The following CACNA1C variants were observed in gnomAD, a reference collection of about 807,000 sequenced individuals.
The protein encoded by CACNA1C is calcium voltage-gated channel subunit alpha1 C.
A neutral mutation model predicts 229.0 loss-of-function variants in CACNA1C; 30 were observed. That is an observed-to-expected ratio of 0.13 (90% CI 0.10 to 0.18). The LOEUF (loss-of-function observed/expected upper bound fraction) is 0.18. Among genes scored for constraint, CACNA1C ranks in the 10% least tolerant of loss-of-function variants. CACNA1C has a pLI of 1.00. For missense variants in CACNA1C, 1,658 were observed against 2,845.0 expected (o/e 0.58, Z 9.49); for synonymous variants, 1,114 against 1,132.5 (o/e 0.98, Z 0.33).
Position 2,327,038 on chromosome 12 carries a change from C to T in CACNA1C, c.478-121938C>T, listed in dbSNP as rs139845718. ...GCTGGGAATGTGGATGTGATGGCTG[C>T]AGCTTTAGTTGCCATCTTGGACCAT... On this transcript the variant is annotated intron_variant, in intron 3 of 46. Coordinates refer to ENST00000399655, the MANE Select transcript of CACNA1C (RefSeq NM_000719.7). Among the ~76,000 whole-genome samples, 35 of 152,298 alleles carry T rather than the reference C, an allele frequency of 2.3e-4. No individual in the cohort carries two copies. In the East Asian group the frequency reaches 4.8e-3, roughly 21 times the overall value.
chr12:2,139,764 C>T (rs940563995), intron 3 of CACNA1C, among the ~76,000 whole-genome samples: 10 of 151,316 alleles, frequency 6.6e-5, no homozygotes, highest in African/African-American at 2.4e-4. Context: ...TTCTCTGCCT[C>T]CTCTGCCCGC....
At chr12:2,059,747 G>T (rs2056737440) in intron 1 of CACNA1C, among the ~76,000 whole-genome samples, 1 of 152,274 alleles carries the variant, frequency 6.6e-6, no homozygotes, top group South Asian at 2.1e-4. Context: ...CTCATTTCCA[G>T]TTGAGAAAAC....
chr12:2,071,164 CCCTCCCTCCCTG>C (rs2061163140), intron 1 of CACNA1C, among the ~76,000 whole-genome samples: 1 of 22,622 alleles, frequency 4.4e-5, no homozygotes, highest in Non-Finnish European at 1.1e-4. Context: ...CTCCCTCCCT[CCCTCCCTCCCTG>C]CCTGCCTGCC....
intron 3 of CACNA1C, among the ~76,000 whole-genome samples, chr12:2,409,093 T>A (rs2098775222): frequency 6.6e-6 from 1 of 152,214 alleles, no homozygotes; most frequent in Non-Finnish European, 1.5e-5. Context: ...GTGGCTCTGT[T>A]CCTTTTACAC....
intron 3 of CACNA1C, among the ~76,000 whole-genome samples, chr12:2,324,001 G>C (rs35884722): frequency 5.4e-4 from 83 of 152,314 alleles, no homozygotes; most frequent in Non-Finnish European, 8.8e-4. Flanking sequence ...CGCAGGAGCC[G>C]GGTCTGTTTA....
upstream of CACNA1C, among the ~76,000 whole-genome samples, chr12:2,052,566 CGGGGGGCGCGACGCCGCCGGCGG>C (rs1565385417): frequency 6.8e-6 from 1 of 146,354 alleles, no homozygotes; most frequent in Non-Finnish European, 1.5e-5. Context: ...CAGGCCGGCG[CGGGGGGCGCGACGCCGCCGGCGG>C]GGCGCGAGGG....
intron 38 of CACNA1C, chr12:2,672,138 G>A (rs7138079): frequency 0.69 from 104,747 of 152,132 alleles, 38,942 homozygotes; most frequent in South Asian, 0.84. Context: ...CCTCAGAGAA[G>A]CAGAGCTGTC....
intron 28 of CACNA1C, among the ~76,000 whole-genome samples, chr12:2,611,051 A>G (rs2077441500): frequency 7.0e-6 from 1 of 142,650 alleles, no homozygotes; most frequent in African/African-American, 2.6e-5. Flanking sequence ...AGGGGAGGAG[A>G]TGGAGGAGGG....
chr12:2,058,207 G>C (rs1050494575), intron 1 of CACNA1C, among the ~76,000 whole-genome samples: 3 of 152,160 alleles, frequency 2.0e-5, no homozygotes, highest in African/African-American at 7.2e-5. Flanking sequence ...TGAGTGGCTG[G>C]CAGCACTTTC....
At chr12:2,308,444 C>A (rs1323828784) in intron 3 of CACNA1C, among the ~76,000 whole-genome samples, 1 of 152,138 alleles carries the variant, frequency 6.6e-6, no homozygotes, top group Non-Finnish European at 1.5e-5. Flanking sequence ...TGAGACTATC[C>A]TTTCTCCATT....
chr12:2,447,629 G>T (rs556875393), intron 3 of CACNA1C, among the ~76,000 whole-genome samples: 1 of 152,352 alleles, frequency 6.6e-6, no homozygotes, highest in Admixed American at 6.5e-5. Flanking sequence ...GAATGAATGG[G>T]AGCCCAGGGT....
intron 3 of CACNA1C, among the ~76,000 whole-genome samples, chr12:2,232,436 T>C (rs186836432): frequency 3.0e-4 from 45 of 152,222 alleles, no homozygotes; most frequent in Admixed American, 7.2e-4. Flanking sequence ...CCCTTCACAA[T>C]GTGTCCTATC....
chr12:2,501,299 C>T (rs2099759687), intron 7 of CACNA1C, among the ~76,000 whole-genome samples: 1 of 150,282 alleles, frequency 6.7e-6, no homozygotes, highest in East Asian at 2.0e-4. Context: ...GCAGGACTTA[C>T]TCTGAGAGAG....
At chr12:2,261,452 ACT>A (rs768324262) in intron 3 of CACNA1C, among the ~76,000 whole-genome samples, 19 of 152,170 alleles carry the variant, frequency 1.2e-4, no homozygotes, top group East Asian at 3.9e-4. Flanking sequence ...GCTCTGGGAA[ACT>A]CTGCTGTGTA....
At chr12:2,641,820 TC>T (rs1603251083) in intron 30 of CACNA1C, 6 of 701,194 alleles carry the variant, frequency 8.6e-6, no homozygotes, top group Middle Eastern at 2.6e-4. Flanking sequence ...TCCCTCCCCA[TC>T]CCCCCACAAA....
intron 3 of CACNA1C, among the ~76,000 whole-genome samples, chr12:2,149,736 C>T (rs1481412104): frequency 6.6e-6 from 1 of 152,104 alleles, no homozygotes; most frequent in East Asian, 1.9e-4. Flanking sequence ...GAGAGCCAAC[C>T]CCAAGTAAGG....
Position 2,583,014 on chromosome 12 carries a change from C to T in CACNA1C, c.2224+72C>T, listed in dbSNP as rs2061103336. ...CCTGCAGCACAGTGCCAAACGGGCACGCCCCTCAGGTCCGGGCGGTCCTGC... is the reference window on the plus strand; with the variant it reads ...CCTGCAGCACAGTGCCAAACGGGCATGCCCCTCAGGTCCGGGCGGTCCTGC... On this transcript the variant is annotated intron_variant, in intron 15 of 46. Coordinates refer to ENST00000399655, the MANE Select transcript of CACNA1C (RefSeq NM_000719.7). The T allele has an allele frequency of 1.1e-5, 13 of 1,175,340 alleles. No individual in the cohort carries two copies. The East Asian group carries it at 3.3e-4, about 30-fold the overall frequency. The allele number at this position is 1,175,340 out of a possible 1,614,324, so 72.8% of individuals were successfully genotyped here.
At chr12:2,085,472 C>G (rs1029018366) in intron 1 of CACNA1C, among the ~76,000 whole-genome samples, 1 of 152,178 alleles carries the variant, frequency 6.6e-6, no homozygotes, top group African/African-American at 2.4e-5. Flanking sequence ...CTGTGATCAA[C>G]TTGGTGCCAC....
chr12:2,363,807 G>T (rs1467409331), intron 3 of CACNA1C, among the ~76,000 whole-genome samples: 1 of 152,216 alleles, frequency 6.6e-6, no homozygotes. Flanking sequence ...TAGGGGGACG[G>T]TAAAGAATAC....
Sources: allele counts gnomAD v4.1 joint callset (sites outside exome capture counted in the v4.1 genomes callset), GRCh38; gene constraint gnomAD v4.1.1; transcripts MANE v1.5; gene names NCBI Gene and HGNC (gene_info 2026-07-23, HGNC 2026-07-21).